SHISA9: variants seen among roughly 807,000 people sequenced by gnomAD.
SHISA9 encodes shisa family member 9.
In SHISA9, 13 loss-of-function variants were observed where a neutral mutation model predicts 38.0. The observed-to-expected ratio is 0.34, with a 90% CI of 0.22 to 0.54. The LOEUF (loss-of-function observed/expected upper bound fraction) is 0.54. SHISA9 is among the 20% of genes least tolerant of loss of function. SHISA9 has a pLI of 0.91. For synonymous variants in SHISA9, 275 were observed against 242.0 expected (o/e 1.14, Z -1.27); for missense variants, 538 against 575.8 (o/e 0.93, Z 0.67).
At chr16:12,958,846 A>T (rs532936514) in intron 2 of SHISA9, among the ~76,000 whole-genome samples, 1 of 152,144 alleles carries the variant, frequency 6.6e-6, no homozygotes, top group African/African-American at 2.4e-5. Flanking sequence ...CTGCATAACA[A>T]ATACTCCCCC....
At chr16:12,936,409 G>T (rs1203512078) in intron 2 of SHISA9, among the ~76,000 whole-genome samples, 2 of 152,212 alleles carry the variant, frequency 1.3e-5, no homozygotes, top group East Asian at 1.9e-4. Context: ...TGAGGCATAA[G>T]TGTCTTTAAG....
intron 2 of SHISA9, among the ~76,000 whole-genome samples, chr16:13,189,904 A>G (rs1322309111): frequency 2.0e-5 from 3 of 152,058 alleles, no homozygotes; most frequent in Non-Finnish European, 4.4e-5. Context: ...ACAAAGGAAG[A>G]CTACACGATA....
At chr16:12,943,326 TGTGTGAGAGAGAGAGAGAGA>T (rs2071644521) in intron 2 of SHISA9, among the ~76,000 whole-genome samples, 25 of 19,930 alleles carry the variant, frequency 1.3e-3, no homozygotes, top group African/African-American at 1.8e-3. Flanking sequence ...TGTGTGTGTG[TGTGTGAGAGAGAGAGAGAGA>T]GAGAGAGAGA....
At chr16:13,158,736 A>G (rs927194695) in intron 2 of SHISA9, among the ~76,000 whole-genome samples, 3 of 152,112 alleles carry the variant, frequency 2.0e-5, no homozygotes, top group African/African-American at 7.2e-5. Context: ...TCCCAAACAT[A>G]GGAGAAGGTG....
chr16:13,110,159 C>T (rs753715541), intron 2 of SHISA9, among the ~76,000 whole-genome samples: 12 of 152,180 alleles, frequency 7.9e-5, no homozygotes, highest in Non-Finnish European at 1.3e-4. Context: ...ACCTGGAATG[C>T]CCTCCACACA....
At chr16:13,010,158 C>G (rs1002273109) in intron 2 of SHISA9, among the ~76,000 whole-genome samples, 9 of 152,050 alleles carry the variant, frequency 5.9e-5, no homozygotes, top group African/African-American at 1.9e-4. Flanking sequence ...GCCTGGGTAA[C>G]AGCGAAATCT....
chr16:13,463,372 C>G, the SHISA9 span, among the ~76,000 whole-genome samples: 1 of 152,154 alleles, frequency 6.6e-6, no homozygotes, highest in African/African-American at 2.4e-5. Context: ...ATCAGCAGTA[C>G]TTGGAGAAAG....
intron 2 of SHISA9, among the ~76,000 whole-genome samples, chr16:12,925,011 C>T (rs1192840104): frequency 6.6e-6 from 1 of 152,114 alleles, no homozygotes; most frequent in Non-Finnish European, 1.5e-5. Context: ...TTAGTTGTTA[C>T]TAATATTGTT....
rs760672521 is a variant in SHISA9, at chr16:12,916,696, C to T, written c.572C>T (p.Ala191Val). Residue 191 changes from alanine (A) to valine (V), a missense_variant, in exon 2 of 5, where the codon GCG becomes GTG. Physicochemically the swap from Ala to Val is moderately conservative, Grantham distance 64 (BLOSUM62 0). Around this residue, in one of 4 missense-constraint regions of SHISA9, gnomAD observed 326 missense variants for 305.9 expected, o/e 1.07. Transcript: ENST00000558583. ...PQREHMSRAL[A>V]DVMRPQGHCN... ...ATTCTTTCTTCTTTCAGGGCCCTTG[C>T]GGATGTCATGAGACCACAGGGCCAC... The T allele has an allele frequency of 1.3e-6, 2 of 1,549,710 alleles. No homozygotes were observed. The highest frequency in any genetic ancestry group is 2.0e-5 in the Admixed American group (1 of 50,486).
the SHISA9 span, among the ~76,000 whole-genome samples, chr16:13,252,876 C>G: frequency 6.6e-6 from 1 of 152,076 alleles, no homozygotes; most frequent in Admixed American, 6.5e-5. Context: ...ACAGTTGACC[C>G]TTGAACAACA....
the SHISA9 span, among the ~76,000 whole-genome samples, chr16:13,525,898 C>A: frequency 1.3e-5 from 2 of 152,240 alleles, no homozygotes; most frequent in African/African-American, 4.8e-5. Context: ...CTTGCCTGGG[C>A]AGGGCAGATG....
chr16:13,368,887 T>C, the SHISA9 span, among the ~76,000 whole-genome samples: 87 of 152,322 alleles, frequency 5.7e-4, no homozygotes, highest in African/African-American at 2.1e-3. Context: ...TATAAATGAA[T>C]ATGCATACAT....
the SHISA9 span, among the ~76,000 whole-genome samples, chr16:13,423,738 G>A: frequency 5.3e-5 from 8 of 152,294 alleles, no homozygotes; most frequent in Admixed American, 5.2e-4. Flanking sequence ...CCAACCTGTA[G>A]TCTCTGGAGA....
chr16:13,378,254 T>C, the SHISA9 span, among the ~76,000 whole-genome samples: 4 of 152,196 alleles, frequency 2.6e-5, no homozygotes, highest in African/African-American at 9.7e-5. Context: ...TATGACTTGT[T>C]CCAGGTACTC....
the SHISA9 span, among the ~76,000 whole-genome samples, chr16:13,471,049 T>C: frequency 6.6e-6 from 1 of 151,982 alleles, no homozygotes; most frequent in Admixed American, 6.6e-5. Context: ...TCAGTCTTGC[T>C]GGAACCCTAA....
At chr16:13,138,355 T>C (rs940425009) in intron 2 of SHISA9, among the ~76,000 whole-genome samples, 13 of 152,204 alleles carry the variant, frequency 8.5e-5, no homozygotes, top group African/African-American at 3.1e-4. Flanking sequence ...AATAGGTGCT[T>C]ACATTTTCCA....
the SHISA9 span, among the ~76,000 whole-genome samples, chr16:13,557,285 A>G: frequency 1.3e-5 from 2 of 152,232 alleles, no homozygotes; most frequent in South Asian, 4.1e-4. Context: ...TCAAGTATCC[A>G]TCATAGAGAT....
intron 2 of SHISA9, among the ~76,000 whole-genome samples, chr16:13,001,363 C>T (rs550496420): frequency 6.6e-6 from 1 of 151,958 alleles, no homozygotes; most frequent in Non-Finnish European, 1.5e-5. Flanking sequence ...TCCTGAGATT[C>T]CACTGACTAA....
the SHISA9 span, among the ~76,000 whole-genome samples, chr16:13,500,413 G>A: frequency 3.3e-5 from 5 of 152,118 alleles, no homozygotes; most frequent in Non-Finnish European, 7.4e-5. Context: ...TGCTGCTCTC[G>A]AGGAATGTAC....
Sources: gnomAD v4.1 joint callset for allele counts (sites outside exome capture counted in the v4.1 genomes callset) on GRCh38, gnomAD v4.1.1 for gene constraint, gnomAD v4.1.1 regional missense constraint, MANE v1.5 for transcripts, NCBI Gene and HGNC (gene_info 2026-07-23, HGNC 2026-07-21) for gene names.